DNAJC1: variants seen among roughly 807,000 people sequenced by gnomAD.
DNAJC1 encodes the protein dnaJ homolog subfamily C member 1.
In DNAJC1, 58 loss-of-function variants were observed where a neutral mutation model predicts 76.6. The ratio of observed to expected loss-of-function variants is 0.76; its 90% confidence interval spans 0.61 to 0.94. DNAJC1 has a LOEUF of 0.94. Among genes scored for constraint, DNAJC1 ranks in the 40% least tolerant of loss-of-function variants. The probability of loss-of-function intolerance (pLI) is 0.00; values close to 1 mark genes in which losing one functional copy is unlikely to be tolerated. For synonymous variants in DNAJC1, 258 were observed against 267.9 expected (o/e 0.96, Z 0.36); for missense variants, 689 against 677.3 (o/e 1.02, Z -0.19).
chr10:21,786,501 G>A (rs545354962), intron 9 of DNAJC1, among the ~76,000 whole-genome samples: 18 of 145,726 alleles, frequency 1.2e-4, no homozygotes, highest in Non-Finnish European at 2.3e-4. Context: ...GAGAGAGAGA[G>A]ATGGAGTCTC....
chr10:21,964,085 T>C (rs1837847491), intron 1 of DNAJC1, among the ~76,000 whole-genome samples: 1 of 152,240 alleles, frequency 6.6e-6, no homozygotes, highest in South Asian at 2.1e-4. Context: ...TAAAGTTAAT[T>C]AATGGTAAAT....
At chr10:21,840,362 C>T (rs1417700835) in intron 8 of DNAJC1, among the ~76,000 whole-genome samples, 1 of 152,152 alleles carries the variant, frequency 6.6e-6, no homozygotes, top group Non-Finnish European at 1.5e-5. Context: ...CCCATCGTCT[C>T]GGCCCAAAAT....
In DNAJC1 at chr10:22,003,403, A is replaced by T. The variant is rs1838560558; in HGVS notation, c.32T>A (p.Leu11His). The T allele has an allele frequency of 2.2e-6, 3 of 1,374,710 alleles. No homozygotes were observed. Among genetic ancestry groups the T allele is most frequent in the Non-Finnish European group, 2.8e-6 (3 of 1,066,078 alleles). The allele number at this position is 1,374,710 out of a possible 1,614,324, so 85.2% of individuals were successfully genotyped here. A position where few individuals can be genotyped will look rare whatever the true frequency, so the allele number is the denominator to read the frequency against. The change falls in exon 1 of 12, where the codon CTT becomes CAT. Residue 11 changes from leucine to histidine, a missense_variant. Coordinates refer to ENST00000376980, the MANE Select transcript of DNAJC1 (RefSeq NM_022365.4). ...CAGCCCGAGCTGGCGGCGTCCAGGA[A>T]GCTGCGCCGGCTGGGAGCAAGGAGC... MTAPCSQPAQ[L>H]PGRRQLGLVP...
chr10:21,803,792 A>T (rs1834846780), intron 9 of DNAJC1: 1 of 939,918 alleles, frequency 1.1e-6, no homozygotes, highest in African/African-American at 1.8e-5. Flanking sequence ...TTGTACAACA[A>T]AAGTTTAGAT....
intron 8 of DNAJC1, among the ~76,000 whole-genome samples, chr10:21,866,983 C>T (rs1269137981): frequency 2.0e-5 from 3 of 152,062 alleles, no homozygotes; most frequent in Admixed American, 1.3e-4. Flanking sequence ...GAAATCAGAA[C>T]ACAAATTATT....
At chr10:21,958,583 C>T (rs1465541316) in intron 1 of DNAJC1, among the ~76,000 whole-genome samples, 1 of 152,066 alleles carries the variant, frequency 6.6e-6, no homozygotes, top group Non-Finnish European at 1.5e-5. Context: ...CGTGCCACCA[C>T]GCCCAGCTAA....
intron 7 of DNAJC1, among the ~76,000 whole-genome samples, chr10:21,894,338 A>G (rs1836505627): frequency 6.6e-6 from 1 of 152,206 alleles, no homozygotes; most frequent in Non-Finnish European, 1.5e-5. Context: ...AGGGAGGCCA[A>G]GGCAAGTAGA....
intron 8 of DNAJC1, among the ~76,000 whole-genome samples, chr10:21,831,917 A>G (rs886494717): frequency 3.3e-5 from 5 of 152,166 alleles, no homozygotes; most frequent in Admixed American, 1.3e-4. Flanking sequence ...TCTTATGTCT[A>G]TAACATAATA....
At chr10:21,976,251 T>C (rs1838060262) in intron 1 of DNAJC1, among the ~76,000 whole-genome samples, 1 of 152,174 alleles carries the variant, frequency 6.6e-6, no homozygotes, top group Non-Finnish European at 1.5e-5. Flanking sequence ...TTACATAGCC[T>C]ACAAAATCTA....
At chr10:21,784,729 G>T (rs886904676) in intron 9 of DNAJC1, among the ~76,000 whole-genome samples, 4 of 152,198 alleles carry the variant, frequency 2.6e-5, no homozygotes, top group African/African-American at 9.7e-5. Context: ...CATAAAAAAG[G>T]ATGAGTTCAT....
chr10:21,757,924 C>A (rs990145676), intron 11 of DNAJC1, among the ~76,000 whole-genome samples: 2 of 152,224 alleles, frequency 1.3e-5, no homozygotes, highest in African/African-American at 4.8e-5. Context: ...GGAATCCAAG[C>A]TCCAGCCCCT....
intron 8 of DNAJC1, among the ~76,000 whole-genome samples, chr10:21,869,398 T>A (rs544325954): frequency 1.2e-4 from 18 of 152,150 alleles, no homozygotes; most frequent in Non-Finnish European, 2.4e-4. Flanking sequence ...CAATTCCCAA[T>A]CAGGAAATCT....
chr10:21,824,054 A>G (rs946229843), intron 8 of DNAJC1, among the ~76,000 whole-genome samples: 7 of 152,208 alleles, frequency 4.6e-5, no homozygotes, highest in African/African-American at 1.7e-4. Context: ...TAGCAGGCTT[A>G]CAATAATTAT....
At chr10:21,853,397 T>G (rs1351526305) in intron 8 of DNAJC1, among the ~76,000 whole-genome samples, 1 of 152,160 alleles carries the variant, frequency 6.6e-6, no homozygotes, top group Non-Finnish European at 1.5e-5. Flanking sequence ...TAATTTTACT[T>G]AACATGTAGA....
chr10:21,778,929 C>T lies in DNAJC1; in HGVS notation c.1099-12620G>A, dbSNP rs112403432. 1.2e-4 allele frequency among the ~76,000 whole-genome samples: 19 copies of T among 152,216 alleles called. No homozygotes were observed. In the South Asian group the frequency reaches 2.3e-3, roughly 18 times the overall value. On this transcript the variant is annotated intron_variant, in intron 9 of 11. Transcript: ENST00000376980. Reference sequence around the variant, plus strand: ...GCGCTTTTCCAACCGTCTTAGCAAACGGCACACCAGGAGATTATATTCCAC... The same window carrying T: ...GCGCTTTTCCAACCGTCTTAGCAAATGGCACACCAGGAGATTATATTCCAC...
At chr10:21,790,632 AC>A (rs1834672970) in intron 9 of DNAJC1, among the ~76,000 whole-genome samples, 1 of 152,176 alleles carries the variant, frequency 6.6e-6, no homozygotes, top group Non-Finnish European at 1.5e-5. Context: ...CATTGGCCTT[AC>A]AAGAAATGCT....
chr10:21,910,062 C>T (rs901479592), intron 6 of DNAJC1, among the ~76,000 whole-genome samples: 3 of 151,824 alleles, frequency 2.0e-5, no homozygotes, highest in African/African-American at 7.3e-5. Flanking sequence ...CCTGAAGATA[C>T]AATATTTCCA....
intron 11 of DNAJC1, among the ~76,000 whole-genome samples, chr10:21,758,423 C>T (rs1043461528): frequency 2.0e-5 from 3 of 152,200 alleles, no homozygotes; most frequent in African/African-American, 4.8e-5. Flanking sequence ...GGAAAGAGGC[C>T]GCCCAAGCCC....
At chr10:21,832,001 A>G (rs946968799) in intron 8 of DNAJC1, among the ~76,000 whole-genome samples, 1 of 152,182 alleles carries the variant, frequency 6.6e-6, no homozygotes, top group South Asian at 2.1e-4. Flanking sequence ...GGTGCAATGA[A>G]GAAAATTTAG....
Sources: allele counts gnomAD v4.1 joint callset (sites outside exome capture counted in the v4.1 genomes callset), GRCh38; gene constraint gnomAD v4.1.1; transcripts MANE v1.5; gene names NCBI Gene and HGNC (gene_info 2026-07-23, HGNC 2026-07-21).